The following CEP63 variants were observed in gnomAD, a reference collection of about 807,000 sequenced individuals.
CEP63 encodes centrosomal protein of 63 kDa.
Under a neutral mutation model 89.1 loss-of-function variants are expected in CEP63, and 84 were observed. The observed-to-expected ratio is 0.94, with a 90% confidence interval of 0.79 to 1.13. The LOEUF (loss-of-function observed/expected upper bound fraction) is 1.13, where lower values mean the gene tolerates loss of function less well. CEP63 is among the 50% of genes most tolerant of loss of function. CEP63 has a pLI of 0.00. For synonymous variants in CEP63, 267 were observed against 272.5 expected, an observed-to-expected ratio of 0.98 and a Z score of 0.20; for missense variants, 838 against 813.3, an observed-to-expected ratio of 1.03 and a Z score of -0.37.
chr3:134,514,307 A>G (rs187754658), intron 3 of CEP63, among the ~76,000 whole-genome samples: 2 of 152,294 alleles, frequency 1.3e-5, no homozygotes, highest in Admixed American at 6.5e-5. Flanking sequence ...GATAGAAAAT[A>G]TAGATGAAAG....
chr3:134,664,386 A>G, the CEP63 span, among the ~76,000 whole-genome samples: 2 of 152,216 alleles, frequency 1.3e-5, no homozygotes, highest in African/African-American at 4.8e-5. Context: ...ACTGCTCACA[A>G]GCAGCACCAG....
chr3:134,769,448 A>C, the CEP63 span, among the ~76,000 whole-genome samples: 1 of 152,234 alleles, frequency 6.6e-6, no homozygotes, highest in African/African-American at 2.4e-5. Context: ...AGTTCTCATA[A>C]TAACAGCTGC....
At chr3:134,752,821 T>A in the CEP63 span, among the ~76,000 whole-genome samples, 1 of 152,132 alleles carries the variant, frequency 6.6e-6, no homozygotes. Context: ...TAATTGCCTA[T>A]GGCCACACTG....
At chr3:134,623,777 T>C in the CEP63 span, among the ~76,000 whole-genome samples, 1 of 152,242 alleles carries the variant, frequency 6.6e-6, no homozygotes, top group African/African-American at 2.4e-5. Flanking sequence ...CTGATCTCAC[T>C]TGAGCAGATA....
intron 6 of CEP63, among the ~76,000 whole-genome samples, chr3:134,542,675 C>T (rs979109608): frequency 1.3e-5 from 2 of 152,196 alleles, no homozygotes; most frequent in Non-Finnish European, 1.5e-5. Flanking sequence ...AAGTAGCTAT[C>T]ACAAATCCAG....
chr3:134,545,836 C>A lies in CEP63; in HGVS notation c.789+17C>A. On this transcript the variant is annotated intron_variant, in intron 7 of 14. Coordinates refer to ENST00000675561, the MANE Select transcript of CEP63 (RefSeq NM_001353108.3). ...CTATTAGAGGTATGTTTTAAAATCA[C>A]TATAATTGGGGGAAGTGTGTGTATG... is the stretch of plus-strand genomic sequence containing the variant. The A allele has an allele frequency of 1.3e-6, 2 of 1,563,160 alleles. No individual in the cohort carries two copies. The highest frequency in any genetic ancestry group is 1.8e-6 in the Non-Finnish European group (2 of 1,139,150).
chr3:134,767,332 C>T, the CEP63 span, among the ~76,000 whole-genome samples: 9 of 152,162 alleles, frequency 5.9e-5, no homozygotes, highest in African/African-American at 2.2e-4. Context: ...GCTGAATTAC[C>T]TTCCCCCTTC....
the CEP63 span, chr3:134,643,222 G>A: frequency 1.6e-6 from 2 of 1,228,064 alleles, no homozygotes; most frequent in Middle Eastern, 2.7e-4. Context: ...GCTCCCCATA[G>A]TCTGAGCTCC....
At chr3:134,695,739 G>T in the CEP63 span, among the ~76,000 whole-genome samples, 1 of 152,238 alleles carries the variant, frequency 6.6e-6, no homozygotes. Flanking sequence ...AGAGGGCAGT[G>T]GGCATGATGG....
the CEP63 span, chr3:134,604,109 C>G: frequency 2.9e-5 from 47 of 1,611,390 alleles, no homozygotes; most frequent in Non-Finnish European, 3.6e-5. Context: ...CCCTCCTCCA[C>G]GCTGAAGCTG....
chr3:134,500,639 T>C (rs1281441718), intron 2 of CEP63, among the ~76,000 whole-genome samples: 10 of 152,208 alleles, frequency 6.6e-5, no homozygotes, highest in Admixed American at 6.5e-4. Flanking sequence ...TTCTGACTGG[T>C]ATGAGGTGGT....
chr3:134,505,462 G>T (rs1228390010), intron 2 of CEP63, among the ~76,000 whole-genome samples: 2 of 152,282 alleles, frequency 1.3e-5, no homozygotes, highest in Non-Finnish European at 2.9e-5. Flanking sequence ...CTGGGGTAGG[G>T]ACACCAGGCA....
chr3:134,699,299 C>T, the CEP63 span, among the ~76,000 whole-genome samples: 5 of 152,166 alleles, frequency 3.3e-5, no homozygotes, highest in Admixed American at 6.5e-5. Flanking sequence ...CTGGATGGAT[C>T]GGTCCTGGGA....
At chr3:134,570,390 T>G (rs554560971) in intron 11 of CEP63, among the ~76,000 whole-genome samples, 1 of 152,244 alleles carries the variant, frequency 6.6e-6, no homozygotes, top group African/African-American at 2.4e-5. Flanking sequence ...TAGAAATTTC[T>G]TCTGCCAGAT....
the CEP63 span, among the ~76,000 whole-genome samples, chr3:134,639,632 C>T: frequency 2.0e-5 from 3 of 152,166 alleles, no homozygotes; most frequent in Admixed American, 6.5e-5. Context: ...GAAGCCTCAA[C>T]AGAAAACTGA....
intron 3 of CEP63, among the ~76,000 whole-genome samples, chr3:134,527,299 G>C (rs1689489837): frequency 6.6e-6 from 1 of 152,156 alleles, no homozygotes; most frequent in African/African-American, 2.4e-5. Context: ...GCTGGCAGTT[G>C]CAGGTCTGTG....
At chr3:134,577,495 T>TGG (rs1266660533), downstream of CEP63, among the ~76,000 whole-genome samples, 1 of 141,126 alleles carries the variant, frequency 7.1e-6, no homozygotes. Context: ...GGTGCAATCT[T>TGG]GGCTCACTGC....
chr3:134,507,723 C>A (rs959473015), intron 3 of CEP63, among the ~76,000 whole-genome samples: 1 of 151,122 alleles, frequency 6.6e-6, no homozygotes, highest in African/African-American at 2.4e-5. Flanking sequence ...TAAAAAAAAA[C>A]AAAACAAAAC....
intron 3 of CEP63, among the ~76,000 whole-genome samples, chr3:134,509,773 C>G (rs1259102952): frequency 1.3e-5 from 2 of 152,120 alleles, no homozygotes; most frequent in Non-Finnish European, 2.9e-5. Flanking sequence ...ATATGTGCAG[C>G]TTTTTGTATG....
Sources: gnomAD v4.1 joint callset for allele counts (sites outside exome capture counted in the v4.1 genomes callset) on GRCh38, gnomAD v4.1.1 for gene constraint, MANE v1.5 for transcripts, NCBI Gene and HGNC (gene_info 2026-07-23, HGNC 2026-07-21) for gene names.